The following POLN variants were observed in gnomAD, a reference collection of about 807,000 sequenced individuals.
POLN encodes the protein DNA polymerase N.
POLN carries 108 observed loss-of-function variants against 113.5 expected under a neutral mutation model. The observed-to-expected ratio is 0.95, with a 90% CI of 0.81 to 1.12. The LOEUF is 1.12. Ranked by LOEUF, POLN falls within the 50% of genes most tolerant of loss-of-function variation. POLN has a pLI of 0.00. For missense variants in POLN, 1,097 were observed against 1,077.1 expected (o/e 1.02, Z -0.26); for synonymous variants, 386 against 391.5 (o/e 0.99, Z 0.17).
At chr4:2,239,180 A>G in intron 2 of POLN, 4 of 518,474 alleles carry the variant, frequency 7.7e-6, no homozygotes, top group Non-Finnish European at 9.8e-6. Context: ...TCATATAAAC[A>G]AAAATTACAG....
intron 19 of POLN, among the ~76,000 whole-genome samples, chr4:2,098,727 T>C (rs1453792866): frequency 6.6e-6 from 1 of 152,250 alleles, no homozygotes; most frequent in Non-Finnish European, 1.5e-5. Context: ...AGAAGCAACC[T>C]GCTCAGTAGC....
At chr4:2,076,196 T>A (rs1577676149) in intron 23 of POLN, among the ~76,000 whole-genome samples, 1 of 151,792 alleles carries the variant, frequency 6.6e-6, no homozygotes, top group African/African-American at 2.4e-5. Context: ...GTCCCTGGGG[T>A]GGGGCTCACA....
At chr4:2,207,018 A>G (rs1297552243) in intron 5 of POLN, among the ~76,000 whole-genome samples, 1 of 152,236 alleles carries the variant, frequency 6.6e-6, no homozygotes, top group Non-Finnish European at 1.5e-5. Flanking sequence ...TCAATCAAGG[A>G]GTGAATAAAG....
At chr4:2,217,673 T>C (rs1332596572) in intron 3 of POLN, among the ~76,000 whole-genome samples, 6 of 152,190 alleles carry the variant, frequency 3.9e-5, no homozygotes, top group Non-Finnish European at 7.3e-5. Context: ...ATTGCCTTGC[T>C]CCAGAGTTCT....
intron 19 of POLN, among the ~76,000 whole-genome samples, chr4:2,096,372 C>A (rs1730790601): frequency 6.6e-6 from 1 of 152,172 alleles, no homozygotes; most frequent in Non-Finnish European, 1.5e-5. Context: ...CTCCCACAGA[C>A]AGAGGCCATG....
chr4:2,160,214 T>G (rs1194534368), intron 13 of POLN, among the ~76,000 whole-genome samples: 2 of 152,260 alleles, frequency 1.3e-5, no homozygotes, highest in African/African-American at 2.4e-5. Context: ...CTAACGCTGT[T>G]GGACACTATT....
At chr4:2,235,434 C>T (rs904000974) in intron 2 of POLN, among the ~76,000 whole-genome samples, 1 of 152,178 alleles carries the variant, frequency 6.6e-6, no homozygotes, top group East Asian at 1.9e-4. Context: ...ACATATAAGA[C>T]CATCATAGCA....
chr4:2,208,606 C>T (rs34834939), intron 4 of POLN, 119 bp from the exon 5 acceptor site: 2 of 801,160 alleles, frequency 2.5e-6, no homozygotes, highest in African/African-American at 3.5e-5. Context: ...CTTCATATTA[C>T]CTATGATCAA....
intron 12 of POLN, 116 bp from the exon 13 acceptor site, chr4:2,170,890 A>G (rs2108747077): frequency 1.0e-5 from 10 of 985,718 alleles, no homozygotes; most frequent in Middle Eastern, 2.1e-4. Context: ...CAGACATTAC[A>G]ACATGCTTAA....
chr4:2,226,792 T>C (rs775519944), intron 3 of POLN, among the ~76,000 whole-genome samples: 28 of 152,254 alleles, frequency 1.8e-4, no homozygotes, highest in Admixed American at 1.3e-4. Context: ...TGAAATTCCA[T>C]ATTTATTTGG....
chr4:2,207,553 C>T (rs2108763692), intron 5 of POLN, among the ~76,000 whole-genome samples: 1 of 151,772 alleles, frequency 6.6e-6, no homozygotes, highest in Middle Eastern at 3.4e-3. Context: ...ACAAATAACC[C>T]AATTTTAAAA....
At chr4:2,218,406 T>C (rs904576335) in intron 3 of POLN, among the ~76,000 whole-genome samples, 7 of 151,926 alleles carry the variant, frequency 4.6e-5, no homozygotes, top group Non-Finnish European at 7.4e-5. Flanking sequence ...GATTGTGCCA[T>C]TGCACTCCAG....
At chr4:2,168,374 A>G (rs961046291) in intron 13 of POLN, among the ~76,000 whole-genome samples, 2 of 152,254 alleles carry the variant, frequency 1.3e-5, no homozygotes, top group African/African-American at 4.8e-5. Flanking sequence ...TCATGAGAAG[A>G]AATCTGAATC....
intron 2 of POLN, among the ~76,000 whole-genome samples, chr4:2,236,906 T>C (rs1223480263): frequency 1.3e-5 from 2 of 149,788 alleles, no homozygotes; most frequent in Admixed American, 6.7e-5. Flanking sequence ...ATAATATTAT[T>C]ATTATTTGTG....
chr4:2,189,788 T>C (rs1577755589), intron 7 of POLN, among the ~76,000 whole-genome samples: 1 of 151,548 alleles, frequency 6.6e-6, no homozygotes, highest in Non-Finnish European at 1.5e-5. Flanking sequence ...CCCAGCACTT[T>C]AGGAGACCAA....
At chr4:2,158,559 G>T (rs888974375) in intron 14 of POLN, among the ~76,000 whole-genome samples, 1 of 152,218 alleles carries the variant, frequency 6.6e-6, no homozygotes, top group African/African-American at 2.4e-5. Context: ...GAGCCAATGT[G>T]CTCCCTCACA....
Position 2,072,299 on chromosome 4 carries a change from C to T in POLN, c.2518G>A (p.Val840Ile), listed in dbSNP as rs778758772. 6.4e-7 allele frequency: 1 copy of T among 1,562,058 alleles called. No individual in the cohort carries two copies. Among genetic ancestry groups the T allele is most frequent in the Non-Finnish European group, 8.6e-7 (1 of 1,156,652 alleles). ...QVQALELQLQ[V>I]PLKVSLSAGR... ...GCACTCAGGCTCACCTTGAGGGGTA[C>T]CTGCAGGTGGCAGCCAGAGGTGAGC... Residue 840 changes from valine (V) to isoleucine (I), a missense_variant and splice_region_variant, in exon 26 of 26, where the codon GTA becomes ATA. Physicochemically the swap from Val to Ile is conservative, Grantham distance 29. Coordinates refer to ENST00000511885, the MANE Select transcript of POLN (RefSeq NM_181808.4).
intron 2 of POLN, chr4:2,240,117 A>C (rs1194798184): frequency 8.1e-6 from 13 of 1,613,930 alleles, no homozygotes; most frequent in African/African-American, 1.3e-5. Flanking sequence ...TTTTAAGTGA[A>C]TTAACTGATG....
chr4:2,221,455 C>A (rs1301535776), intron 3 of POLN, among the ~76,000 whole-genome samples: 1 of 152,220 alleles, frequency 6.6e-6, no homozygotes, highest in African/African-American at 2.4e-5. Context: ...TCACCTGAGA[C>A]AAATGGGGAT....
Sources: gnomAD v4.1 joint callset for allele counts (sites outside exome capture counted in the v4.1 genomes callset) on GRCh38, gnomAD v4.1.1 for gene constraint, MANE v1.5 for transcripts, NCBI Gene and HGNC (gene_info 2026-07-23, HGNC 2026-07-21) for gene names.